Variants in HMGN1 observed in about 807,000 individuals in gnomAD.
HMGN1 encodes non-histone chromosomal protein HMG-14.
HMGN1 carries 9 observed loss-of-function variants against 18.4 expected under a neutral mutation model. The ratio of observed to expected loss-of-function variants is 0.49; its 90% CI spans 0.29 to 0.85. The LOEUF (loss-of-function observed/expected upper bound fraction) is 0.85, where lower values mean the gene tolerates loss of function less well. Among genes scored for constraint, HMGN1 ranks in the 40% least tolerant of loss-of-function variants. The probability of loss-of-function intolerance (pLI) is 0.07; values close to 1 mark genes in which losing one functional copy is unlikely to be tolerated. For synonymous variants in HMGN1, 59 were observed against 45.0 expected (o/e 1.31, Z -1.24); for missense variants, 151 against 119.2 (o/e 1.27, Z -1.24).
Position 39,348,299 on chromosome 21 carries a change from G to T in HMGN1, c.119C>A (p.Ala40Glu). The change falls in exon 4 of 6, where the codon GCA becomes GAA. Residue 40 changes from alanine to glutamate, a missense_variant. Coordinates refer to ENST00000380749, the MANE Select transcript of HMGN1 (RefSeq NM_004965.7). Reference sequence around the variant, plus strand: ...GCGCGTTTCGAGGCTTACCTTCGCTGCTGCCTTTTTCGGCTTCGCTTCCAC... The same window carrying T: ...GCGCGTTTCGAGGCTTACCTTCGCTTCTGCCTTTTTCGGCTTCGCTTCCAC... ...AKVEAKPKKA[A>E]AKDKSSDKKV... is the part of the protein sequence containing the mutation. 2 of 1,614,102 alleles carry T rather than the reference G, an allele frequency of 1.2e-6. No individual in the cohort carries two copies. Among genetic ancestry groups the T allele is most frequent in the Non-Finnish European group, 1.7e-6 (2 of 1,179,976 alleles).
At chr21:39,348,215 T>C in intron 4 of HMGN1, 77 bp downstream of exon 4, 3 of 1,558,552 alleles carry the variant, frequency 1.9e-6, no homozygotes, top group South Asian at 1.1e-5. Flanking sequence ...CAATAGCTAA[T>C]CAAAATGGAA....
chr21:39,345,802 C>T, intron 4 of HMGN1: 1 of 1,295,060 alleles, frequency 7.7e-7, no homozygotes. Context: ...CCTCACAAGA[C>T]CTTAACCCTC....
At chr21:39,345,104 AG>A in intron 5 of HMGN1, 41 bp downstream of exon 5, 1 of 645,362 alleles carries the variant, frequency 1.5e-6, no homozygotes, top group Non-Finnish European at 2.2e-6. Context: ...TCAGAGTCAA[AG>A]CAATCACACA....
chr21:39,347,196 A>G (rs2037086742), intron 4 of HMGN1: 1 of 363,354 alleles, frequency 2.8e-6, no homozygotes, highest in Non-Finnish European at 4.4e-6. Flanking sequence ...GAATTACCAC[A>G]TGGTCTTCTG....
chr21:39,342,991 T>G lies in HMGN1; in HGVS notation c.*121A>C. On this transcript the variant is annotated 3_prime_UTR_variant, in exon 6 of 6. Coordinates refer to ENST00000380749, the MANE Select transcript of HMGN1 (RefSeq NM_004965.7). Reference sequence around the variant, plus strand: ...ATGGGATGAGGTGGGATTCCCTCCTTCTTAAAAATGTTTCTAGAGCTACTA... The same window carrying G: ...ATGGGATGAGGTGGGATTCCCTCCTGCTTAAAAATGTTTCTAGAGCTACTA... 4 of 1,181,746 alleles carry G rather than the reference T, an allele frequency of 3.4e-6. No individual in the cohort carries two copies. Among genetic ancestry groups the G allele is most frequent in the Non-Finnish European group, 3.7e-6 (3 of 814,462 alleles). The allele number at this position is 1,181,746 out of a possible 1,614,324, so 73.2% of individuals were successfully genotyped here. A position where few individuals can be genotyped will look rare whatever the true frequency, so the allele number is the denominator to read the frequency against.
chr21:39,345,982 G>C (rs1569006745), intron 4 of HMGN1: 2 of 1,288,988 alleles, frequency 1.6e-6, no homozygotes, highest in Non-Finnish European at 2.0e-6. Context: ...GTATTAATAT[G>C]ACCATACTAA....
intron 4 of HMGN1, chr21:39,346,020 C>T: frequency 9.1e-7 from 1 of 1,094,614 alleles, no homozygotes; most frequent in East Asian, 5.9e-5. Context: ...AAAATTTAAG[C>T]CATGTTAAAG....
chr21:39,345,405 G>A, intron 4 of HMGN1, 131 bp from the exon 5 acceptor site: 3 of 813,570 alleles, frequency 3.7e-6, no homozygotes, highest in Admixed American at 2.4e-5. Context: ...GTTTGAGAGA[G>A]GGACATCTCA....
rs1383158116 is a variant in HMGN1 at position 39,349,014 on chromosome 21, G to C, written c.-97C>G. On this transcript the variant is annotated 5_prime_UTR_variant, in exon 1 of 6. Transcript: ENST00000380749. ...GCGCCGACAGCCTTCGCGAAACTGG[G>C]CTGCCTTGCCGCTGCCACTCCTCCC... is the stretch of plus-strand genomic sequence containing the variant. The C allele has an allele frequency of 8.4e-7, 1 of 1,184,728 alleles. No individual in the cohort carries two copies. The highest frequency in any genetic ancestry group is 4.2e-5 in the South Asian group (1 of 23,896). The allele number at this position is 1,184,728 out of a possible 1,614,324, so 73.4% of individuals were successfully genotyped here.
intron 4 of HMGN1, chr21:39,346,160 A>T: frequency 2.8e-6 from 1 of 358,704 alleles, no homozygotes; most frequent in Admixed American, 3.9e-5. Context: ...AAAGACCCAT[A>T]CGGATACTGA....
Position 39,348,911 on chromosome 21 carries a change from T to G in HMGN1, c.7A>C (p.Lys3Gln). Residue 3 changes from lysine (K) to glutamine (Q), a missense_variant, in exon 1 of 6, where the codon AAG (lysine) becomes CAG (glutamine). Transcript: ENST00000380749. Reference sequence around the variant, plus strand: ...CCGCGGCCGCCGCTCACCTTCCTCTTGGGCATCGTGGCGGCGGGGAAGGCG... The same window carrying G: ...CCGCGGCCGCCGCTCACCTTCCTCTGGGGCATCGTGGCGGCGGGGAAGGCG... MP[K>Q]RKVSSAEGAA... 2 of 1,176,480 alleles carry G rather than the reference T, an allele frequency of 1.7e-6. No individual in the cohort carries two copies. The highest frequency in any genetic ancestry group is 2.1e-6 in the Non-Finnish European group (2 of 955,878). 72.9% of individuals were successfully genotyped at this position (1,176,480 alleles called of 1,614,324 possible).
In HMGN1 at chr21:39,348,983, C is replaced by T; in HGVS notation, c.-66G>A. 1 of 1,192,506 alleles carries T rather than the reference C, an allele frequency of 8.4e-7. No homozygotes were observed. The allele number at this position is 1,192,506 out of a possible 1,614,324, so 73.9% of individuals were successfully genotyped here. A position where few individuals can be genotyped will look rare whatever the true frequency, so the allele number is the denominator to read the frequency against. On this transcript the variant is annotated 5_prime_UTR_variant, in exon 1 of 6. Transcript: ENST00000380749. The stretch of plus-strand genomic sequence containing the variant: ...AGGCGCGTGCCGGGTGCCTGCGGGC[C>T]GCGGCGCGCCGACAGCCTTCGCGAA...
rs1028757163 is a variant in HMGN1 at position 39,342,970 on chromosome 21, G to A, written c.*142C>T. 2 of 1,178,476 alleles carry A rather than the reference G, an allele frequency of 1.7e-6. No homozygotes were observed. Among genetic ancestry groups the A allele is most frequent in the Admixed American group, 2.0e-5 (1 of 49,650 alleles). 73.0% of individuals were successfully genotyped at this position (1,178,476 alleles called of 1,614,324 possible). A position where few individuals can be genotyped will look rare whatever the true frequency, so the allele number is the denominator to read the frequency against. On this transcript the variant is annotated 3_prime_UTR_variant, in exon 6 of 6. Transcript: ENST00000380749. ...AAAAGCATTTACACTTAAAAAATGG[G>A]ATGAGGTGGGATTCCCTCCTTCTTA...
At chr21:39,348,239 A>C (rs985993784) in intron 4 of HMGN1, 53 bp downstream of exon 4, 4 of 1,596,104 alleles carry the variant, frequency 2.5e-6, no homozygotes, top group East Asian at 2.2e-5. Context: ...CCGCATTAAG[A>C]AGCAGTGTAG....
At chr21:39,347,310 G>T in intron 4 of HMGN1, 2 of 971,306 alleles carry the variant, frequency 2.1e-6, no homozygotes, top group South Asian at 2.0e-5. Context: ...AGAAAACATA[G>T]TTAACATTTT....
chr21:39,348,749 C>T, intron 1 of HMGN1, 154 bp downstream of exon 1: 1 of 1,088,006 alleles, frequency 9.2e-7, no homozygotes, highest in Non-Finnish European at 1.2e-6. Context: ...CCCGCCCCCG[C>T]GGCCGCCGAG....
At chr21:39,345,821 A>G (rs974025019) in intron 4 of HMGN1, 10 of 1,299,086 alleles carry the variant, frequency 7.7e-6, no homozygotes, top group South Asian at 1.2e-5. Flanking sequence ...TCACATTAAG[A>G]CCAATCACCT....
At chr21:39,345,800 G>A (rs2037031244) in intron 4 of HMGN1, 2 of 1,294,252 alleles carry the variant, frequency 1.5e-6, no homozygotes, top group Non-Finnish European at 2.0e-6. Context: ...GTCCTCACAA[G>A]ACCTTAACCC....
chr21:39,347,130 A>C (rs1222708305), intron 4 of HMGN1: 1 of 168,210 alleles, frequency 5.9e-6, no homozygotes, highest in Non-Finnish European at 1.3e-5. Flanking sequence ...ATTTTTAACA[A>C]GGTCAGCTAA....
Sources: gnomAD v4.1 joint callset for allele counts on GRCh38, gnomAD v4.1.1 for gene constraint, MANE v1.5 for transcripts, NCBI Gene and HGNC (gene_info 2026-07-23, HGNC 2026-07-21) for gene names.